Variants in XPA observed in about 807,000 individuals in gnomAD.
XPA encodes DNA repair protein complementing XP-A cells.
Under a neutral mutation model 35.7 loss-of-function variants are expected in XPA, and 27 were observed. That is an observed-to-expected ratio of 0.76 (90% confidence interval 0.56 to 1.04). The LOEUF is 1.04. Ranked by LOEUF, XPA falls within the 50% of genes least tolerant of loss-of-function variation. The pLI is 0.00. For missense variants in XPA, 354 were observed against 342.7 expected (o/e 1.03, Z -0.26); for synonymous variants, 133 against 118.4 (o/e 1.12, Z -0.80).
At chr9:97,671,373 A>G (rs1330001102), downstream of XPA, 1 of 541,904 alleles carries the variant, frequency 1.8e-6, no homozygotes, top group Admixed American at 3.4e-5. Flanking sequence ...CTGAAAAGCA[A>G]ATACTTCCTA....
At chr9:97,654,419 TG>T in the XPA span, among the ~76,000 whole-genome samples, 2 of 152,196 alleles carry the variant, frequency 1.3e-5, no homozygotes, top group Admixed American at 1.3e-4. Flanking sequence ...AGTTTTATTA[TG>T]GGATTGCAGC....
At chr9:97,656,857 C>G in the XPA span, among the ~76,000 whole-genome samples, 1 of 152,194 alleles carries the variant, frequency 6.6e-6, no homozygotes, top group Non-Finnish European at 1.5e-5. Context: ...CCTTTTAGAT[C>G]AGAAAATTAG....
At chr9:97,664,051 CA>C in the XPA span, among the ~76,000 whole-genome samples, 1 of 151,848 alleles carries the variant, frequency 6.6e-6, no homozygotes, top group African/African-American at 2.4e-5. Context: ...TGGTGGTGCA[CA>C]CCTGTAATCT....
At chr9:97,654,439 A>T in the XPA span, among the ~76,000 whole-genome samples, 1 of 152,142 alleles carries the variant, frequency 6.6e-6, no homozygotes, top group Non-Finnish European at 1.5e-5. Context: ...GCAATTAATA[A>T]TGGAAAAGCT....
chr9:97,670,063 C>G (rs1171854727), downstream of XPA: 3 of 355,082 alleles, frequency 8.4e-6, no homozygotes, highest in Middle Eastern at 3.0e-3. Context: ...GCTGGGATTA[C>G]AGGCACCCGT....
chr9:97,677,400 TC>T (rs1828399177), intron 5 of XPA, among the ~76,000 whole-genome samples: 1 of 152,112 alleles, frequency 6.6e-6, no homozygotes, highest in Non-Finnish European at 1.5e-5. Flanking sequence ...AAGAAAGTAT[TC>T]GGGGCCAGGT....
chr9:97,664,282 C>CAT, the XPA span: 25 of 1,086,774 alleles, frequency 2.3e-5, no homozygotes, highest in Non-Finnish European at 3.1e-5. Context: ...TGTGGTGGCA[C>CAT]ATATATATGT....
chr9:97,666,286 A>G, the XPA span, among the ~76,000 whole-genome samples: 3 of 152,234 alleles, frequency 2.0e-5, no homozygotes, highest in East Asian at 5.8e-4. Flanking sequence ...CCTATTATCA[A>G]CTAATGAGTT....
intron 4 of XPA, among the ~76,000 whole-genome samples, chr9:97,685,253 T>C (rs1443626283): frequency 6.6e-6 from 1 of 152,238 alleles, no homozygotes; most frequent in Non-Finnish European, 1.5e-5. Flanking sequence ...AGTAAACGTA[T>C]GCTGAATTAG....
downstream of XPA, among the ~76,000 whole-genome samples, chr9:97,674,342 C>A (rs1438552048): frequency 6.6e-6 from 1 of 152,054 alleles, no homozygotes; most frequent in Admixed American, 6.5e-5. Context: ...TTGAAAAATA[C>A]ACAAACATTT....
chr9:97,686,378 G>C (rs1828716085), intron 4 of XPA, among the ~76,000 whole-genome samples: 1 of 152,204 alleles, frequency 6.6e-6, no homozygotes, highest in Admixed American at 6.5e-5. Flanking sequence ...AGCAAGTGGA[G>C]TTGAGACGAT....
chr9:97,660,151 T>C, the XPA span, among the ~76,000 whole-genome samples: 1 of 152,224 alleles, frequency 6.6e-6, no homozygotes, highest in Non-Finnish European at 1.5e-5. Context: ...TTCTTCGCCT[T>C]CTTTTTTTTA....
At chr9:97,659,636 T>C in the XPA span, among the ~76,000 whole-genome samples, 2 of 152,188 alleles carry the variant, frequency 1.3e-5, no homozygotes, top group Non-Finnish European at 2.9e-5. Context: ...ACTAACTGAG[T>C]GGCCATGCTG....
the XPA span, chr9:97,669,669 A>G: frequency 6.2e-7 from 1 of 1,610,388 alleles, no homozygotes; most frequent in African/African-American, 1.3e-5. Flanking sequence ...CCATGGTATA[A>G]GAACTGTATA....
intron 5 of XPA, among the ~76,000 whole-genome samples, chr9:97,681,817 A>C (rs1301355152): frequency 6.6e-6 from 1 of 152,172 alleles, no homozygotes; most frequent in East Asian, 1.9e-4. Flanking sequence ...CCTGTTCACT[A>C]CTTTATCCTT....
intron 5 of XPA, chr9:97,676,000 T>G (rs950357904): frequency 3.2e-5 from 7 of 217,248 alleles, no homozygotes; most frequent in Middle Eastern, 1.8e-3. Flanking sequence ...AAGTTCCTGT[T>G]AGGAGCTACG....
the XPA span, among the ~76,000 whole-genome samples, chr9:97,657,995 T>C: frequency 1.3e-5 from 2 of 150,504 alleles, no homozygotes; most frequent in African/African-American, 4.9e-5. Context: ...AACAACATAT[T>C]TAGGATCATC....
chr9:97,657,962 T>C, the XPA span, among the ~76,000 whole-genome samples: 1 of 147,634 alleles, frequency 6.8e-6, no homozygotes, highest in Non-Finnish European at 1.5e-5. Context: ...CAGCCATTCA[T>C]TGAGCATTCC....
intron 3 of XPA, among the ~76,000 whole-genome samples, chr9:97,687,802 G>C (rs779758422): frequency 3.4e-4 from 51 of 152,202 alleles, no homozygotes; most frequent in Non-Finnish European, 6.0e-4. Context: ...AGGCAGCAGT[G>C]GGAGAGGATG....
Sources: gnomAD v4.1 joint callset for allele counts (sites outside exome capture counted in the v4.1 genomes callset) on GRCh38, gnomAD v4.1.1 for gene constraint, MANE v1.5 for transcripts, NCBI Gene and HGNC (gene_info 2026-07-23, HGNC 2026-07-21) for gene names.